IGF1R: variants seen among roughly 807,000 people sequenced by gnomAD.
IGF1R encodes insulin-like growth factor 1 receptor.
Under a neutral mutation model 144.6 loss-of-function variants are expected in IGF1R, and 44 were observed. The observed-to-expected ratio is 0.30, with a 90% CI of 0.24 to 0.39. IGF1R has a LOEUF of 0.39. Among genes scored for constraint, IGF1R ranks in the 10% least tolerant of loss-of-function variants. The probability of loss-of-function intolerance (pLI) is 1.00; values close to 1 mark genes in which losing one functional copy is unlikely to be tolerated. For synonymous variants in IGF1R, 795 were observed against 722.8 expected (o/e 1.10, Z -1.60); for missense variants, 1,355 against 1,833.7 (o/e 0.74, Z 4.77).
chr15:98,651,138 C>A (rs2052354018), intron 1 of IGF1R: 2 of 864,594 alleles, frequency 2.3e-6, no homozygotes, highest in South Asian at 5.3e-5. Flanking sequence ...GAAAAAATCA[C>A]GACTGAGCCT....
At chr15:98,887,453 CT>C (rs1327780869) in intron 2 of IGF1R, among the ~76,000 whole-genome samples, 1 of 152,094 alleles carries the variant, frequency 6.6e-6, no homozygotes, top group Non-Finnish European at 1.5e-5. Flanking sequence ...TTAATAGCTA[CT>C]TGATCTTAAT....
chr15:98,822,654 C>T (rs773850694), intron 2 of IGF1R, among the ~76,000 whole-genome samples: 1 of 152,208 alleles, frequency 6.6e-6, no homozygotes, highest in African/African-American at 2.4e-5. Context: ...TTGAGCTGAA[C>T]ACACAAAATT....
intron 2 of IGF1R, among the ~76,000 whole-genome samples, chr15:98,887,576 CAG>C (rs934126236): frequency 9.9e-5 from 15 of 152,190 alleles, no homozygotes; most frequent in African/African-American, 3.1e-4. Flanking sequence ...GTAAGATTCT[CAG>C]AGTTTCCTTC....
intron 10 of IGF1R, among the ~76,000 whole-genome samples, chr15:98,919,303 A>G (rs1049804683): frequency 2.0e-5 from 3 of 152,062 alleles, no homozygotes; most frequent in African/African-American, 7.2e-5. Context: ...CGCCACACGG[A>G]AGGATGGATT....
rs1323898997 is a variant in IGF1R, at chr15:98,648,869, C to G, written c.-713C>G. 3 of 144,026 alleles carry G rather than the reference C, an allele frequency of 2.1e-5. No homozygotes were observed. The highest frequency in any genetic ancestry group is 7.5e-5 in the African/African-American group (3 of 40,094). 8.9% of individuals were successfully genotyped at this position (144,026 alleles called of 1,614,324 possible). The stretch of plus-strand genomic sequence containing the variant: ...CAGGCGGCGGCGGGCGGGGGCCGGG[C>G]GGGGGCCGGCGCGGGGCGGGCGGCG... On this transcript the variant is annotated 5_prime_UTR_variant, in exon 1 of 21. Transcript: ENST00000650285.
intron 10 of IGF1R, among the ~76,000 whole-genome samples, chr15:98,918,916 C>T (rs1173119219): frequency 6.6e-6 from 1 of 151,898 alleles, no homozygotes; most frequent in Non-Finnish European, 1.5e-5. Context: ...GAAGGGCCTG[C>T]GAGGCCCTCA....
chr15:98,924,376 A>G (rs2015619105), intron 12 of IGF1R, 149 bp from the exon 13 acceptor site: 2 of 833,122 alleles, frequency 2.4e-6, no homozygotes, highest in Admixed American at 3.4e-5. Context: ...TTAAGATTTG[A>G]TTTCTTTGTC....
At chr15:98,940,685 G>A (rs758368262) in intron 18 of IGF1R, among the ~76,000 whole-genome samples, 1 of 152,226 alleles carries the variant, frequency 6.6e-6, no homozygotes, top group Non-Finnish European at 1.5e-5. Context: ...GATTACAGGC[G>A]TGAGCCACCA....
At chr15:98,852,042 GA>G (rs1182335825) in intron 2 of IGF1R, among the ~76,000 whole-genome samples, 1 of 152,246 alleles carries the variant, frequency 6.6e-6, no homozygotes, top group East Asian at 1.9e-4. Context: ...TTAAAAGGTG[GA>G]GGGTTGGGGT....
chr15:98,875,484 T>G (rs182638779), intron 2 of IGF1R, among the ~76,000 whole-genome samples: 1 of 152,106 alleles, frequency 6.6e-6, no homozygotes. Context: ...ATTGAGCAAG[T>G]AAACTTCACA....
At chr15:98,695,796 A>AG (rs1193056010) in intron 1 of IGF1R, among the ~76,000 whole-genome samples, 1 of 152,108 alleles carries the variant, frequency 6.6e-6, no homozygotes, top group African/African-American at 2.4e-5. Context: ...CTCCTCCAGC[A>AG]GGGTCATAAA....
At chr15:98,836,521 TAA>T (rs36070885) in intron 2 of IGF1R, among the ~76,000 whole-genome samples, 10,629 of 129,724 alleles carry the variant, frequency 0.082, 762 homozygotes, top group African/African-American at 0.2. Flanking sequence ...CCTGTCTCTT[TAA>T]AAAAAAAAAA....
chr15:98,929,501 G>T, intron 13 of IGF1R, 57 bp from the exon 14 acceptor site: 1 of 1,350,456 alleles, frequency 7.4e-7, no homozygotes, highest in South Asian at 1.2e-5. Flanking sequence ...GTGAAGAAAT[G>T]AAATGAGCAA....
At chr15:98,873,381 A>G (rs767980547) in intron 2 of IGF1R, among the ~76,000 whole-genome samples, 2 of 152,228 alleles carry the variant, frequency 1.3e-5, no homozygotes, top group Non-Finnish European at 2.9e-5. Context: ...GTGTAAAGAT[A>G]TGGACAAGAA....
rs181702109 is a variant in IGF1R, at chr15:98,883,342, T to G, written c.641-7983T>G. 1.3e-4 allele frequency among the ~76,000 whole-genome samples: 20 copies of G among 152,346 alleles called. No individual in the cohort carries two copies. In the East Asian group the frequency reaches 2.7e-3, roughly 21 times the overall value. Reference sequence around the variant, plus strand: ...ACCATTCCTTAGGATGACCAGAAGCTTGACAGAATCCTCTTGTCTTCATTT... The same window carrying G: ...ACCATTCCTTAGGATGACCAGAAGCGTGACAGAATCCTCTTGTCTTCATTT... On this transcript the variant is annotated intron_variant, in intron 2 of 20. Transcript: ENST00000650285.
chr15:98,911,150 A>G (rs45574439), intron 6 of IGF1R, among the ~76,000 whole-genome samples, 165 bp from the exon 7 acceptor site: 1 of 152,190 alleles, frequency 6.6e-6, no homozygotes, highest in Non-Finnish European at 1.5e-5. Flanking sequence ...GCATAGTGAA[A>G]TGTATGATTT....
chr15:98,915,075 A>G lies in IGF1R; in HGVS notation c.1829-889A>G, dbSNP rs534473578. Among the ~76,000 whole-genome samples, 10 of 152,326 alleles carry G rather than the reference A, an allele frequency of 6.6e-5. No individual in the cohort carries two copies. In the South Asian group the frequency reaches 2.1e-3, roughly 32 times the overall value. ...AATGGCTTAGGCAAACATATTGCTT[A>G]AGTGATATCCAGTGAAGGTGTCTCC... On this transcript the variant is annotated intron_variant, in intron 8 of 20. Transcript: ENST00000650285.
intron 1 of IGF1R, among the ~76,000 whole-genome samples, chr15:98,665,001 A>G (rs571399235): frequency 1.4e-5 from 2 of 138,184 alleles, no homozygotes; most frequent in African/African-American, 5.6e-5. Flanking sequence ...TCTGTCGTCC[A>G]GGCTGGAGTG....
chr15:98,753,398 T>A (rs2055069774), intron 2 of IGF1R, among the ~76,000 whole-genome samples: 1 of 140,368 alleles, frequency 7.1e-6, no homozygotes, highest in South Asian at 2.4e-4. Context: ...TTTTTTTTTT[T>A]TTTTTTGTAT....
Sources: allele counts gnomAD v4.1 joint callset (sites outside exome capture counted in the v4.1 genomes callset), GRCh38; gene constraint gnomAD v4.1.1; transcripts MANE v1.5; gene names NCBI Gene and HGNC (gene_info 2026-07-23, HGNC 2026-07-21).